The following ACACA variants were observed in gnomAD, a reference collection of about 807,000 sequenced individuals.
The protein encoded by ACACA is acetyl-CoA carboxylase alpha.
A neutral mutation model predicts 296.1 loss-of-function variants in ACACA; 103 were observed. The ratio of observed to expected loss-of-function variants is 0.35; its 90% CI spans 0.30 to 0.41. The LOEUF is 0.41. ACACA is among the 10% of genes least tolerant of loss of function. The pLI is 1.00. For synonymous variants in ACACA, 953 were observed against 1,038.6 expected, an observed-to-expected ratio of 0.92 and a Z score of 1.58; for missense variants, 1,554 against 2,989.7, an observed-to-expected ratio of 0.52 and a Z score of 11.20.
chr17:37,143,674 A>G, intron 45 of ACACA: 1 of 890,040 alleles, frequency 1.1e-6, no homozygotes, highest in Admixed American at 2.0e-5. Flanking sequence ...CTGTGCTAGA[A>G]CCAACTTATT....
Position 37,174,145 on chromosome 17 carries a change from G to A in ACACA, c.5079+5115C>T, listed in dbSNP as rs560386737. Among the ~76,000 whole-genome samples, 8 of 146,560 alleles carry A rather than the reference G, an allele frequency of 5.5e-5. No homozygotes were observed. The South Asian group carries it at 1.3e-3, about 24-fold the overall frequency. On this transcript the variant is annotated intron_variant, in intron 41 of 55. Transcript: ENST00000616317. Reference sequence around the variant, plus strand: ...CAAAGTGTTGGGATTACAGGCATGCGCCACCGCGCCTGGCTGTCAGCTAGT... The same window carrying A: ...CAAAGTGTTGGGATTACAGGCATGCACCACCGCGCCTGGCTGTCAGCTAGT...
chr17:37,266,496 T>A (rs971971583), intron 10 of ACACA, among the ~76,000 whole-genome samples: 1 of 151,388 alleles, frequency 6.6e-6, no homozygotes, highest in Admixed American at 6.6e-5. Context: ...CTTAGAAGCA[T>A]CTTTCTAGCT....
chr17:37,094,325 G>A (rs992976319), intron 54 of ACACA, among the ~76,000 whole-genome samples: 4 of 152,114 alleles, frequency 2.6e-5, no homozygotes, highest in Admixed American at 1.3e-4. Flanking sequence ...TAATATCACC[G>A]TGTCTTCAAT....
chr17:37,197,610 G>A (rs904186658), intron 35 of ACACA, among the ~76,000 whole-genome samples: 1 of 152,204 alleles, frequency 6.6e-6, no homozygotes, highest in African/African-American at 2.4e-5. Flanking sequence ...CATCCTTCAT[G>A]AATGTCAAGC....
At chr17:37,333,055 G>A (rs922883489) in intron 2 of ACACA, among the ~76,000 whole-genome samples, 6 of 152,136 alleles carry the variant, frequency 3.9e-5, no homozygotes, top group African/African-American at 1.4e-4. Context: ...AGTGGTCAGT[G>A]ATAATGGAAT....
At chr17:37,329,331 T>G (rs1022350560) in intron 3 of ACACA, among the ~76,000 whole-genome samples, 3 of 152,202 alleles carry the variant, frequency 2.0e-5, no homozygotes, top group African/African-American at 7.2e-5. Context: ...TCACTAGGTC[T>G]CACTGAAAGA....
At chr17:37,223,394 T>C in intron 28 of ACACA, 118 bp downstream of exon 28, 1 of 814,198 alleles carries the variant, frequency 1.2e-6, no homozygotes, top group East Asian at 2.4e-5. Flanking sequence ...AGAGACTAAC[T>C]ACCCTTAAGA....
At chr17:37,121,310 C>T in intron 50 of ACACA, 45 bp downstream of exon 50, 1 of 1,613,448 alleles carries the variant, frequency 6.2e-7, no homozygotes, top group Non-Finnish European at 8.5e-7. Flanking sequence ...CGCAGAGTGC[C>T]CAGTAATCAG....
At chr17:37,373,188 A>G (rs956815764) in intron 1 of ACACA, among the ~76,000 whole-genome samples, 1 of 151,520 alleles carries the variant, frequency 6.6e-6, no homozygotes, top group Non-Finnish European at 1.5e-5. Flanking sequence ...CTACTCCTGG[A>G]TATTTTGACT....
In ACACA at chr17:37,330,322, T is replaced by G. The variant is rs1396001388; in HGVS notation, c.189A>C (p.Glu63Asp). The change falls in exon 3 of 56, where the codon GAA becomes GAC. Residue 63 changes from glutamate to aspartate, a missense_variant. Physicochemically the swap from Glu to Asp is conservative, Grantham distance 45. Transcript: ENST00000616317. ...HSRFIIGSVS[E>D]DNSEDEISNL... ...TGCTGATCTCATCCTCTGAGTTATC[T>G]TCAGACACAGAACCTATTATGAATC... The G allele has an allele frequency of 2.5e-6, 4 of 1,614,114 alleles. No individual in the cohort carries two copies. In the African/African-American group the frequency reaches 5.3e-5, roughly 22 times the overall value.
chr17:37,377,348 A>G (rs1484134955), intron 1 of ACACA, among the ~76,000 whole-genome samples: 2 of 152,112 alleles, frequency 1.3e-5, no homozygotes, highest in South Asian at 2.1e-4. Flanking sequence ...ACTACTTTGT[A>G]TGTATTTGGC....
chr17:37,319,327 TA>T lies in ACACA; in HGVS notation c.338+10845del, dbSNP rs2047236955. On this transcript the variant is annotated intron_variant, in intron 3 of 55. Transcript: ENST00000616317. ...GAAATAGAAAGTGAATTTTTTTGAC[TA>T]AAAAAAGCAGATTATAAAACAGTGT... Among the ~76,000 whole-genome samples the T allele has an allele frequency of 2.0e-5, 3 of 152,094 alleles. No individual in the cohort carries two copies. In the South Asian group the frequency reaches 6.2e-4, roughly 32 times the overall value.
intron 33 of ACACA, among the ~76,000 whole-genome samples, chr17:37,203,488 A>T (rs2078365733): frequency 6.6e-6 from 1 of 151,946 alleles, no homozygotes; most frequent in Admixed American, 6.6e-5. Context: ...TCACGCTTGT[A>T]ATCCCAGCAC....
chr17:37,112,498 A>T (rs1165497016), intron 51 of ACACA, among the ~76,000 whole-genome samples: 1 of 152,228 alleles, frequency 6.6e-6, no homozygotes, highest in Non-Finnish European at 1.5e-5. Context: ...ACTGGATTTG[A>T]AACCAGACAG....
rs1333910712 is a variant in ACACA at position 37,245,097 on chromosome 17, G to C, written c.2578C>G (p.Pro860Ala). The change falls in exon 20 of 56, where the codon CCC (proline) becomes GCC (alanine). Residue 860 changes from proline (P) to alanine (A), a missense_variant. Transcript: ENST00000616317. ...CVLAKMQLDN[P>A]SKVQQAELHT... ...CTACTCACCTGCTGAACCTTGCTGG[G>C]GTTGTCCAGTTGCATTTTGGCTAGT... is the stretch of plus-strand genomic sequence containing the variant. 3 of 1,614,162 alleles carry C rather than the reference G, an allele frequency of 1.9e-6. No homozygotes were observed. Among genetic ancestry groups the C allele is most frequent in the Non-Finnish European group, 2.5e-6 (3 of 1,180,022 alleles).
chr17:37,225,663 G>A, intron 26 of ACACA: 1 of 175,138 alleles, frequency 5.7e-6, no homozygotes, highest in South Asian at 1.4e-4. Context: ...GACACGGTAG[G>A]ATCTGAATAC....
At chr17:37,390,330 A>ATATCTATATATATATATATC (rs1555672373) in intron 1 of ACACA, among the ~76,000 whole-genome samples, 1 of 41,592 alleles carries the variant, frequency 2.4e-5, no homozygotes, top group Non-Finnish European at 3.7e-5. Context: ...ATATATATAT[A>ATATCTATATATATATATATC]TATAAAAGGC....
chr17:37,340,679 G>C (rs1231540274), intron 1 of ACACA, among the ~76,000 whole-genome samples: 3 of 152,122 alleles, frequency 2.0e-5, no homozygotes, highest in Non-Finnish European at 2.9e-5. Context: ...AGGAATATTA[G>C]GATTTATCCA....
At chr17:37,252,259 A>G (rs759563617) in intron 15 of ACACA, 151 bp from the exon 16 acceptor site, 56 of 718,390 alleles carry the variant, frequency 7.8e-5, no homozygotes, top group Non-Finnish European at 1.3e-4. Flanking sequence ...GATAAAAATG[A>G]ACACATTCAC....
Sources: allele counts gnomAD v4.1 joint callset (sites outside exome capture counted in the v4.1 genomes callset), GRCh38; gene constraint gnomAD v4.1.1; transcripts MANE v1.5; gene names NCBI Gene and HGNC (gene_info 2026-07-23, HGNC 2026-07-21).